Variants in AKAP13 observed in about 807,000 individuals in gnomAD.
AKAP13 encodes A-kinase anchor protein 13.
AKAP13 carries 80 observed loss-of-function variants against 264.5 expected under a neutral mutation model. The observed-to-expected ratio is 0.30, with a 90% confidence interval of 0.25 to 0.36. The LOEUF (loss-of-function observed/expected upper bound fraction) is 0.36. Among genes scored for constraint, AKAP13 ranks in the 10% least tolerant of loss-of-function variants. The pLI is 1.00. For missense variants in AKAP13, 3,712 were observed against 3,435.2 expected, an observed-to-expected ratio of 1.08 and a Z score of -2.01; for synonymous variants, 1,380 against 1,250.2, an observed-to-expected ratio of 1.10 and a Z score of -2.19.
At chr15:85,650,643 C>G (rs1462458086) in intron 10 of AKAP13, among the ~76,000 whole-genome samples, 3 of 150,322 alleles carry the variant, frequency 2.0e-5, no homozygotes, top group Non-Finnish European at 4.4e-5. Flanking sequence ...GTAATCCCAG[C>G]TACTCAGGAG....
intron 8 of AKAP13, among the ~76,000 whole-genome samples, chr15:85,606,866 C>A (rs1280278658): frequency 6.6e-6 from 1 of 152,118 alleles, no homozygotes; most frequent in Non-Finnish European, 1.5e-5. Context: ...AGGCTTCTTT[C>A]CCAGGATCAC....
In AKAP13 at chr15:85,470,135, A is replaced by G. The variant is rs183387941; in HGVS notation, c.-11-15575A>G. ...AAACCCTGTCTCTACAAAAAATACAAAAAATTAGCCGGGCATTGTGGTGGG... is the reference window on the plus strand; with the variant it reads ...AAACCCTGTCTCTACAAAAAATACAGAAAATTAGCCGGGCATTGTGGTGGG... On this transcript the variant is annotated intron_variant, in intron 1 of 36. Transcript: ENST00000394518. Among the ~76,000 whole-genome samples, 7 of 152,236 alleles carry G rather than the reference A, an allele frequency of 4.6e-5. No individual in the cohort carries two copies. In the East Asian group the frequency reaches 1.2e-3, roughly 25 times the overall value.
chr15:85,637,537 C>T (rs2082116376), intron 8 of AKAP13, among the ~76,000 whole-genome samples: 1 of 152,078 alleles, frequency 6.6e-6, no homozygotes, highest in South Asian at 2.1e-4. Context: ...TGATTAGCCT[C>T]GCCAGAGTTG....
chr15:85,696,414 T>C (rs992249666), intron 17 of AKAP13, among the ~76,000 whole-genome samples: 1 of 152,306 alleles, frequency 6.6e-6, no homozygotes, highest in East Asian at 1.9e-4. Context: ...CTGCCTAACA[T>C]AAAGACTGAG....
intron 9 of AKAP13, 97 bp downstream of exon 9, chr15:85,639,546 TA>T: frequency 1.1e-6 from 1 of 893,302 alleles, no homozygotes. Context: ...TGTTATACAG[TA>T]AATCAGAGGA....
intron 1 of AKAP13, among the ~76,000 whole-genome samples, chr15:85,410,340 A>G (rs1254556534): frequency 6.6e-6 from 1 of 151,426 alleles, no homozygotes. Flanking sequence ...CTTCTTGTCG[A>G]CTTTCACCTG....
chr15:85,454,086 G>T (rs2074192925), intron 1 of AKAP13, among the ~76,000 whole-genome samples: 1 of 152,218 alleles, frequency 6.6e-6, no homozygotes, highest in Non-Finnish European at 1.5e-5. Context: ...AAGCCAGTGG[G>T]TCTTATCTTG....
chr15:85,639,817 A>T (rs1236582648), intron 9 of AKAP13, among the ~76,000 whole-genome samples: 1 of 152,204 alleles, frequency 6.6e-6, no homozygotes, highest in Non-Finnish European at 1.5e-5. Context: ...CAAGCTTTAA[A>T]AATATACTGA....
chr15:85,682,103 C>T (rs1001013651), intron 14 of AKAP13, 55 bp from the exon 15 acceptor site: 58 of 1,492,402 alleles, frequency 3.9e-5, no homozygotes, highest in Non-Finnish European at 5.1e-5. Context: ...AATATTCTAC[C>T]CGGCATCAGT....
At chr15:85,517,350 CT>C (rs5814198) in intron 2 of AKAP13, among the ~76,000 whole-genome samples, 3,521 of 150,130 alleles carry the variant, frequency 0.023, 98 homozygotes, top group African/African-American at 0.062. Flanking sequence ...TCCCATCACA[CT>C]TTTTTTTTTC....
chr15:85,414,788 G>A (rs2072156333), intron 1 of AKAP13, among the ~76,000 whole-genome samples: 4 of 152,244 alleles, frequency 2.6e-5, no homozygotes, highest in Admixed American at 2.6e-4. Flanking sequence ...TTTAAGGAGA[G>A]ACCATTGACA....
At chr15:85,513,847 C>T (rs2076522726) in intron 2 of AKAP13, among the ~76,000 whole-genome samples, 1 of 89,378 alleles carries the variant, frequency 1.1e-5, no homozygotes. Context: ...TCCGACGTTT[C>T]CTTGTGATTA....
At chr15:85,493,003 G>C (rs959817855) in intron 2 of AKAP13, among the ~76,000 whole-genome samples, 2 of 152,128 alleles carry the variant, frequency 1.3e-5, no homozygotes. Context: ...GTTGTTTCTG[G>C]TTTGGAGGTA....
intron 5 of AKAP13, among the ~76,000 whole-genome samples, chr15:85,569,310 T>C (rs1355349312): frequency 6.6e-6 from 1 of 151,934 alleles, no homozygotes; most frequent in South Asian, 2.1e-4. Flanking sequence ...GAGGACTGAA[T>C]GCAGAGAATT....
intron 12 of AKAP13, among the ~76,000 whole-genome samples, chr15:85,660,280 G>A (rs1308140583): frequency 6.8e-6 from 1 of 147,490 alleles, no homozygotes; most frequent in African/African-American, 2.5e-5. Context: ...TTGAACCTGG[G>A]AGGCAGAGGT....
chr15:85,434,983 C>T (rs1381382996), intron 1 of AKAP13, among the ~76,000 whole-genome samples: 15 of 151,226 alleles, frequency 9.9e-5, no homozygotes, highest in East Asian at 3.9e-4. Context: ...ATGACTTTGA[C>T]GAGCTGAGAG....
chr15:85,717,424 T>C, intron 21 of AKAP13, 22 bp downstream of exon 21: 1 of 1,530,990 alleles, frequency 6.5e-7, no homozygotes, highest in Non-Finnish European at 9.0e-7. Context: ...TTATGGCCTT[T>C]ATTTTATGCC....
intron 1 of AKAP13, among the ~76,000 whole-genome samples, chr15:85,388,647 G>A (rs1389154259): frequency 6.6e-6 from 1 of 152,122 alleles, no homozygotes; most frequent in East Asian, 1.9e-4. Flanking sequence ...TTAGTCTGGT[G>A]TAATACGTTG....
chr15:85,730,421 C>A, intron 29 of AKAP13, 92 bp from the exon 30 acceptor site: 1 of 1,377,416 alleles, frequency 7.3e-7, no homozygotes, highest in South Asian at 1.3e-5. Flanking sequence ...TGTCACTTTC[C>A]ATAAATTACC....
Sources: allele counts gnomAD v4.1 joint callset (sites outside exome capture counted in the v4.1 genomes callset), GRCh38; gene constraint gnomAD v4.1.1; transcripts MANE v1.5; gene names NCBI Gene and HGNC (gene_info 2026-07-23, HGNC 2026-07-21).